Variants in TRPM3 observed in about 807,000 individuals in gnomAD.
TRPM3 encodes the protein long transient receptor potential channel 3.
Under a neutral mutation model 181.2 loss-of-function variants are expected in TRPM3, and 77 were observed. The ratio of observed to expected loss-of-function variants is 0.42; its 90% CI spans 0.35 to 0.51. The LOEUF (loss-of-function observed/expected upper bound fraction) is 0.51. TRPM3 is among the 20% of genes least tolerant of loss of function. The pLI is 0.01. For missense variants in TRPM3, 1,759 were observed against 2,196.7 expected (o/e 0.80, Z 3.98); for synonymous variants, 745 against 796.4 (o/e 0.94, Z 1.09).
chr9:70,802,583 C>A (rs146302043), intron 6 of TRPM3, among the ~76,000 whole-genome samples: 2 of 152,192 alleles, frequency 1.3e-5, no homozygotes, highest in Non-Finnish European at 2.9e-5. Context: ...GAGAAACTAA[C>A]CAAGTTGGAA....
At chr9:70,624,951 G>T (rs1278634434) in intron 14 of TRPM3, among the ~76,000 whole-genome samples, 1 of 152,046 alleles carries the variant, frequency 6.6e-6, no homozygotes, top group Non-Finnish European at 1.5e-5. Context: ...ATAGATAAAA[G>T]CTCCTTGAGG....
In TRPM3 at chr9:70,863,132, A is replaced by G. The variant is rs1247121070; in HGVS notation, c.258-20T>C. 1 of 1,606,782 alleles carries G rather than the reference A, an allele frequency of 6.2e-7. No homozygotes were observed. The highest frequency in any genetic ancestry group is 1.7e-5 in the Admixed American group (1 of 59,718). On this transcript the variant is annotated intron_variant, in intron 2 of 25. Coordinates refer to ENST00000677713, the MANE Select transcript of TRPM3 (RefSeq NM_001366145.2). ...CAACACCTATAACAGAAGAGGTTAA[A>G]GTGAACCCCTGGTATTAGTCACTAT...
intron 8 of TRPM3, among the ~76,000 whole-genome samples, chr9:70,756,350 T>C (rs1292544925): frequency 6.6e-6 from 1 of 152,034 alleles, no homozygotes; most frequent in Admixed American, 6.6e-5. Flanking sequence ...AGCAAGTTCT[T>C]AGAGACCTAC....
At chr9:70,899,000 A>C (rs1054887202) in intron 1 of TRPM3, among the ~76,000 whole-genome samples, 2 of 152,094 alleles carry the variant, frequency 1.3e-5, no homozygotes, top group African/African-American at 4.8e-5. Context: ...GAAATCATAC[A>C]CTATCCATAG....
rs1181888839 is a variant in TRPM3 at position 71,182,004 on chromosome 9, C to T, written c.183+264649G>A. Among the ~76,000 whole-genome samples the T allele has an allele frequency of 1.2e-4, 19 of 152,216 alleles. 1 individual carries two copies. The highest frequency in any genetic ancestry group is 3.4e-3 in the Middle Eastern group (1 of 294). ...ACAAGCTCCATGGGTCATTGTTAGG[C>T]ATGTTAAATAATGGAAACCCCGGCC... On this transcript the variant is annotated intron_variant, in intron 1 of 24. Transcript: ENST00000357533.
intron 1 of TRPM3, among the ~76,000 whole-genome samples, chr9:71,387,535 T>C (rs1187986579): frequency 6.6e-6 from 1 of 152,180 alleles, no homozygotes; most frequent in Non-Finnish European, 1.5e-5. Flanking sequence ...TGAATCTTCA[T>C]GAAAAGGAAT....
chr9:70,903,284 G>A (rs1172815889), intron 1 of TRPM3, among the ~76,000 whole-genome samples: 1 of 152,182 alleles, frequency 6.6e-6, no homozygotes, highest in Non-Finnish European at 1.5e-5. Flanking sequence ...TTAAAACAAA[G>A]ATCTGAGCTT....
chr9:70,666,112 T>C (rs1023427067), intron 9 of TRPM3, among the ~76,000 whole-genome samples: 14 of 152,334 alleles, frequency 9.2e-5, no homozygotes, highest in Non-Finnish European at 2.1e-4. Flanking sequence ...CCAGTGTTCA[T>C]ACTCTTGTGA....
intron 1 of TRPM3, among the ~76,000 whole-genome samples, chr9:71,225,743 G>A (rs531910544): frequency 5.9e-5 from 9 of 151,882 alleles, no homozygotes; most frequent in Non-Finnish European, 1.0e-4. Flanking sequence ...CTGCAACCCC[G>A]CCTCCTGGGT....
chr9:70,635,152 T>C, intron 12 of TRPM3, 59 bp downstream of exon 12: 1 of 1,502,140 alleles, frequency 6.7e-7, no homozygotes, highest in Admixed American at 1.7e-5. Flanking sequence ...AGAGGCACTC[T>C]CTAATCACAG....
intron 1 of TRPM3, among the ~76,000 whole-genome samples, chr9:71,135,505 G>A (rs2074708931): frequency 1.3e-5 from 2 of 152,204 alleles, no homozygotes; most frequent in East Asian, 3.9e-4. Flanking sequence ...TCTTCCCAGG[G>A]CTGTTTAGAT....
At chr9:70,834,013 T>A (rs1473671369) in intron 5 of TRPM3, among the ~76,000 whole-genome samples, 1 of 152,118 alleles carries the variant, frequency 6.6e-6, no homozygotes, top group Non-Finnish European at 1.5e-5. Flanking sequence ...GATCTGTGGT[T>A]CCTCACAATT....
At chr9:71,252,998 C>G (rs1360235449) in intron 1 of TRPM3, among the ~76,000 whole-genome samples, 1 of 151,932 alleles carries the variant, frequency 6.6e-6, no homozygotes, top group Non-Finnish European at 1.5e-5. Flanking sequence ...AGATTTCTTT[C>G]ATTATGGAAC....
intron 1 of TRPM3, among the ~76,000 whole-genome samples, chr9:71,231,303 A>G (rs1191291759): frequency 6.6e-6 from 1 of 152,220 alleles, no homozygotes; most frequent in Non-Finnish European, 1.5e-5. Context: ...AGAGAATCTG[A>G]GTCAAAGACA....
intron 1 of TRPM3, among the ~76,000 whole-genome samples, chr9:71,432,110 T>C (rs1477750462): frequency 6.6e-6 from 1 of 152,200 alleles, no homozygotes; most frequent in Non-Finnish European, 1.5e-5. Context: ...TCTTACAATG[T>C]GTATGATTCA....
chr9:71,278,236 C>A (rs1365565554), intron 1 of TRPM3, among the ~76,000 whole-genome samples: 3 of 152,152 alleles, frequency 2.0e-5, no homozygotes, highest in African/African-American at 7.2e-5. Context: ...AGCCATGATC[C>A]CAGATTAGAA....
chr9:71,011,337 T>A (rs1011679600), intron 1 of TRPM3, among the ~76,000 whole-genome samples: 4 of 152,172 alleles, frequency 2.6e-5, no homozygotes, highest in Admixed American at 2.6e-4. Context: ...TTTAAACTGA[T>A]GGATATGGTA....
chr9:71,029,188 C>T (rs1219068891), intron 1 of TRPM3, among the ~76,000 whole-genome samples: 3 of 152,144 alleles, frequency 2.0e-5, no homozygotes, highest in African/African-American at 7.2e-5. Flanking sequence ...ACCAGAATCT[C>T]TGGGATATAG....
rs1304534495 is a variant in TRPM3, at chr9:70,618,847, G to T, written c.2358+20C>A. The T allele has an allele frequency of 6.3e-7, 1 of 1,597,468 alleles. No individual in the cohort carries two copies. Among genetic ancestry groups the T allele is most frequent in the Non-Finnish European group, 8.5e-7 (1 of 1,176,148 alleles). ...CCCGCCGGTCCTCATAGCCAGGAGG[G>T]CCTTATTGGGCGCCCTGACCTTGAG... On this transcript the variant is annotated intron_variant, in intron 17 of 25. Coordinates refer to ENST00000677713, the MANE Select transcript of TRPM3 (RefSeq NM_001366145.2).
Sources: gnomAD v4.1 joint callset for allele counts (sites outside exome capture counted in the v4.1 genomes callset) on GRCh38, gnomAD v4.1.1 for gene constraint, MANE v1.5 for transcripts, NCBI Gene and HGNC (gene_info 2026-07-23, HGNC 2026-07-21) for gene names.